Variants in AGBL4 observed in about 807,000 individuals in gnomAD.
The protein encoded by AGBL4 is AGBL carboxypeptidase 4, also known as cytosolic carboxypeptidase 6.
AGBL4 carries 58 observed loss-of-function variants against 66.4 expected under a neutral mutation model. The ratio of observed to expected loss-of-function variants is 0.87; its 90% CI spans 0.71 to 1.09. The LOEUF (loss-of-function observed/expected upper bound fraction) is 1.09. Ranked by LOEUF, AGBL4 falls within the 50% of genes least tolerant of loss-of-function variation. The pLI, the probability that AGBL4 is intolerant of heterozygous loss-of-function variation, is 0.00. For missense variants in AGBL4, 579 were observed against 631.0 expected, an observed-to-expected ratio of 0.92 and a Z score of 0.88; for synonymous variants, 234 against 222.9, an observed-to-expected ratio of 1.05 and a Z score of -0.44.
rs76356242 is a variant in AGBL4 at position 49,658,423 on chromosome 1, G to A, written c.282+38890C>T. ...ACACTGTTGGTGGGACTGTAAACTC[G>A]TTCAACCATTGTGGAATTCAGTGTG... On this transcript the variant is annotated intron_variant, in intron 3 of 13. Coordinates refer to ENST00000371839, the MANE Select transcript of AGBL4 (RefSeq NM_032785.4). Among the ~76,000 whole-genome samples the A allele has an allele frequency of 8.0e-3, 1,217 of 152,274 alleles. 7 individuals are homozygous for A. The highest frequency in any genetic ancestry group is 0.012 in the Non-Finnish European group (784 of 68,024).
intron 1 of AGBL4, among the ~76,000 whole-genome samples, chr1:49,942,903 T>C (rs558136219): frequency 1.1e-4 from 16 of 152,110 alleles, no homozygotes; most frequent in Admixed American, 7.9e-4. Flanking sequence ...TTGCAAACCA[T>C]ATATCTGATA....
At chr1:48,807,593 G>A (rs1380205972) in intron 6 of AGBL4, among the ~76,000 whole-genome samples, 1 of 152,176 alleles carries the variant, frequency 6.6e-6, no homozygotes, top group Non-Finnish European at 1.5e-5. Context: ...ACTATTCTCA[G>A]CGTGTGATCT....
chr1:49,585,142 A>G (rs1368554023), intron 3 of AGBL4, among the ~76,000 whole-genome samples: 1 of 152,192 alleles, frequency 6.6e-6, no homozygotes, highest in African/African-American at 2.4e-5. Flanking sequence ...ATTTACTTGA[A>G]CCTTCTCTGG....
chr1:49,456,324 A>G (rs1646387942), intron 3 of AGBL4, among the ~76,000 whole-genome samples: 1 of 151,712 alleles, frequency 6.6e-6, no homozygotes. Context: ...GCAAACCTAC[A>G]TTTGATCAGG....
At chr1:49,989,892 G>A (rs1659798087) in intron 1 of AGBL4, among the ~76,000 whole-genome samples, 1 of 152,032 alleles carries the variant, frequency 6.6e-6, no homozygotes. Context: ...AGTACCTGAA[G>A]GTCCTAGGCA....
intron 3 of AGBL4, among the ~76,000 whole-genome samples, chr1:49,365,303 A>C (rs1420045473): frequency 2.6e-5 from 4 of 152,104 alleles, no homozygotes; most frequent in African/African-American, 9.7e-5. Flanking sequence ...ATTTCCACAA[A>C]TCAGTTCGAA....
At chr1:49,582,332 G>A (rs1644559386) in intron 3 of AGBL4, among the ~76,000 whole-genome samples, 1 of 152,178 alleles carries the variant, frequency 6.6e-6, no homozygotes, top group African/African-American at 2.4e-5. Flanking sequence ...CACAAGGTAG[G>A]AGTGGGATCC....
At position 49,513,092 on chromosome 1, in the gene AGBL4, C is replaced by T. The variant is rs952412718; in HGVS notation, c.282+184221G>A. Among the ~76,000 whole-genome samples the T allele has an allele frequency of 1.6e-4, 24 of 152,164 alleles. 1 individual carries two copies. Among genetic ancestry groups the T allele is most frequent in the Admixed American group, 7.2e-4 (11 of 15,266 alleles). ...TGTCAGACAAACAGCAGTCACACTT[C>T]AACCTCTGCCATGTGGCAGAACTGG... On this transcript the variant is annotated intron_variant, in intron 3 of 13. Coordinates refer to ENST00000371839, the MANE Select transcript of AGBL4 (RefSeq NM_032785.4).
chr1:49,883,168 GATTT>G (rs1647600040), intron 1 of AGBL4, among the ~76,000 whole-genome samples: 1 of 151,936 alleles, frequency 6.6e-6, no homozygotes, highest in South Asian at 2.1e-4. Context: ...CATTATATTT[GATTT>G]ATTAATACAA....
intron 6 of AGBL4, among the ~76,000 whole-genome samples, chr1:48,716,239 T>C (rs546768110): frequency 1.3e-5 from 2 of 152,304 alleles, no homozygotes; most frequent in East Asian, 3.9e-4. Flanking sequence ...CGCATCATGT[T>C]GCCACACATG....
intron 3 of AGBL4, among the ~76,000 whole-genome samples, chr1:49,414,664 T>A (rs1167595572): frequency 1.3e-5 from 2 of 152,172 alleles, no homozygotes; most frequent in Admixed American, 6.6e-5. Context: ...TGCTCATCTT[T>A]AAGAAGCCAT....
intron 3 of AGBL4, among the ~76,000 whole-genome samples, chr1:49,631,246 T>C (rs758243534): frequency 1.3e-5 from 2 of 152,212 alleles, no homozygotes; most frequent in African/African-American, 2.4e-5. Flanking sequence ...TTTCTAAACC[T>C]GTGCCTTTCT....
chr1:49,120,758 C>G (rs1645635879), intron 4 of AGBL4, among the ~76,000 whole-genome samples: 1 of 152,152 alleles, frequency 6.6e-6, no homozygotes, highest in South Asian at 2.1e-4. Flanking sequence ...GCCTGTCTTG[C>G]TAGGTTGGGG....
chr1:49,844,824 G>A (rs1646094446), intron 2 of AGBL4: 1 of 1,532,148 alleles, frequency 6.5e-7, no homozygotes, highest in East Asian at 2.3e-5. Context: ...AAGACACTGT[G>A]GGCCACTGGG....
intron 3 of AGBL4, among the ~76,000 whole-genome samples, chr1:49,582,527 C>T (rs1362710238): frequency 6.6e-6 from 1 of 152,198 alleles, no homozygotes; most frequent in African/African-American, 2.4e-5. Context: ...TCATCCTGCT[C>T]AGTTCCTGGG....
At chr1:49,596,932 C>A (rs1327840021) in intron 3 of AGBL4, among the ~76,000 whole-genome samples, 1 of 152,170 alleles carries the variant, frequency 6.6e-6, no homozygotes, top group Non-Finnish European at 1.5e-5. Flanking sequence ...CAATAGCAAG[C>A]AATTTGGGGA....
intron 5 of AGBL4, among the ~76,000 whole-genome samples, chr1:48,948,524 A>G (rs1471957055): frequency 2.0e-5 from 3 of 152,134 alleles, no homozygotes; most frequent in Non-Finnish European, 4.4e-5. Flanking sequence ...CTTCCTCCCT[A>G]CTAATGGGCT....
chr1:49,992,879 T>A (rs1557645932), intron 1 of AGBL4, among the ~76,000 whole-genome samples: 1 of 152,182 alleles, frequency 6.6e-6, no homozygotes, highest in African/African-American at 2.4e-5. Context: ...GGGAACACAC[T>A]ATAACTGCAC....
At chr1:49,885,423 A>G (rs1055741870) in intron 1 of AGBL4, among the ~76,000 whole-genome samples, 1 of 152,032 alleles carries the variant, frequency 6.6e-6, no homozygotes, top group African/African-American at 2.4e-5. Flanking sequence ...CTAGCATTTT[A>G]TAAAATCTTT....
Sources: allele counts gnomAD v4.1 joint callset (sites outside exome capture counted in the v4.1 genomes callset), GRCh38; gene constraint gnomAD v4.1.1; transcripts MANE v1.5; gene names NCBI Gene and HGNC (gene_info 2026-07-23, HGNC 2026-07-21).